Variants in RBL1 observed in about 807,000 individuals in gnomAD.
RBL1 encodes RB transcriptional corepressor like 1.
A neutral mutation model predicts 123.0 loss-of-function variants in RBL1; 82 were observed. The observed-to-expected ratio is 0.67, with a 90% CI of 0.56 to 0.80. The LOEUF (loss-of-function observed/expected upper bound fraction) is 0.80, where lower values mean the gene tolerates loss of function less well. RBL1 is among the 30% of genes least tolerant of loss of function. The probability of loss-of-function intolerance (pLI) is 0.00; values close to 1 mark genes in which losing one functional copy is unlikely to be tolerated. For missense variants in RBL1, 1,171 were observed against 1,299.6 expected (o/e 0.90, Z 1.52); for synonymous variants, 405 against 441.3 (o/e 0.92, Z 1.03).
intron 6 of RBL1, among the ~76,000 whole-genome samples, chr20:37,065,976 T>C (rs2065171336): frequency 6.6e-6 from 1 of 152,170 alleles, no homozygotes; most frequent in Admixed American, 6.5e-5. Flanking sequence ...CAATGGGCCA[T>C]AATATAGATA....
intron 9 of RBL1, among the ~76,000 whole-genome samples, chr20:37,057,181 T>C (rs2146287932): frequency 6.6e-6 from 1 of 152,310 alleles, no homozygotes; most frequent in Admixed American, 6.5e-5. Flanking sequence ...AATATCCCTT[T>C]GAGATGCTGT....
chr20:37,042,946 C>CA (rs2146264532), intron 13 of RBL1, among the ~76,000 whole-genome samples: 1 of 142,864 alleles, frequency 7.0e-6, no homozygotes, highest in South Asian at 2.3e-4. Flanking sequence ...GGAAACAACT[C>CA]AAATATTTAT....
chr20:37,071,402 T>A (rs1013830211), intron 2 of RBL1, among the ~76,000 whole-genome samples: 1 of 152,110 alleles, frequency 6.6e-6, no homozygotes, highest in Non-Finnish European at 1.5e-5. Context: ...ATGCCTGTAA[T>A]CCCAACACTT....
intron 21 of RBL1, among the ~76,000 whole-genome samples, chr20:37,002,793 C>A (rs6103174): frequency 1.3e-5 from 2 of 151,940 alleles, no homozygotes; most frequent in Non-Finnish European, 2.9e-5. Context: ...TCTCGGCTCA[C>A]TGCAACCTCC....
At chr20:37,035,138 A>C in intron 15 of RBL1, 104 bp downstream of exon 15, 1 of 1,193,412 alleles carries the variant, frequency 8.4e-7, no homozygotes, top group Non-Finnish European at 1.2e-6. Context: ...GTATAGGTTC[A>C]AGAAAAAATA....
chr20:37,026,061 G>A lies in RBL1; in HGVS notation c.2383-3235C>T, dbSNP rs112850006. Among the ~76,000 whole-genome samples, 617 of 152,144 alleles carry A rather than the reference G, an allele frequency of 4.1e-3. 8 individuals carry two copies. Among genetic ancestry groups the A allele is most frequent in the African/African-American group, 0.014 (593 of 41,522 alleles). On this transcript the variant is annotated intron_variant, in intron 16 of 21. Coordinates refer to ENST00000373664, the MANE Select transcript of RBL1 (RefSeq NM_002895.5). ...CTGGCCAGGACCTGGGTTCTTAATG[G>A]TCGTGGTAACCACAGCAGTCCCATA...
intron 2 of RBL1, among the ~76,000 whole-genome samples, chr20:37,080,059 T>C (rs1286179316): frequency 6.8e-6 from 1 of 147,380 alleles, no homozygotes; most frequent in Admixed American, 6.9e-5. Context: ...TTTGATAGAA[T>C]GTACTTTTTT....
chr20:37,055,838 C>G (rs1006932305), intron 10 of RBL1, among the ~76,000 whole-genome samples, 182 bp from the exon 11 acceptor site: 1 of 152,046 alleles, frequency 6.6e-6, no homozygotes, highest in Non-Finnish European at 1.5e-5. Context: ...CACCTGAGGT[C>G]CGGAGTCTGA....
At chr20:37,049,591 C>A (rs562511807) in intron 11 of RBL1, 43 of 755,530 alleles carry the variant, frequency 5.7e-5, no homozygotes, top group Non-Finnish European at 1.0e-4. Context: ...TAGTTGCTTT[C>A]GTCGAGAGTG....
chr20:37,015,386 T>C lies in RBL1; in HGVS notation c.2722+2893A>G, dbSNP rs563950622. On this transcript the variant is annotated intron_variant, in intron 19 of 21. Transcript: ENST00000373664. ...GTAGGAACAGAAAAACCACCCTGGA[T>C]AGGTAAGCAACATGTATAACAAATA... is the stretch of plus-strand genomic sequence containing the variant. 1.1e-4 allele frequency among the ~76,000 whole-genome samples: 17 copies of C among 151,934 alleles called. 1 individual carries two copies. The South Asian group carries it at 3.3e-3, about 30-fold the overall frequency.
intron 16 of RBL1, among the ~76,000 whole-genome samples, chr20:37,030,978 G>A (rs535735190): frequency 3.3e-5 from 5 of 151,082 alleles, no homozygotes; most frequent in South Asian, 4.2e-4. Context: ...CCTGGGAGGC[G>A]GAGGCTGCAG....
At chr20:37,094,677 C>A (rs759674052) in intron 1 of RBL1, among the ~76,000 whole-genome samples, 1 of 152,192 alleles carries the variant, frequency 6.6e-6, no homozygotes, top group Non-Finnish European at 1.5e-5. Flanking sequence ...CTTGCTGTCA[C>A]CCAGGCTGGA....
chr20:37,052,765 C>T (rs2064939514), intron 11 of RBL1, among the ~76,000 whole-genome samples: 1 of 152,192 alleles, frequency 6.6e-6, no homozygotes, highest in African/African-American at 2.4e-5. Flanking sequence ...TTGCCTCAGT[C>T]TCCTAAAGTG....
intron 9 of RBL1, among the ~76,000 whole-genome samples, 200 bp from the exon 10 acceptor site, chr20:37,056,458 G>A (rs986614933): frequency 2.7e-5 from 4 of 149,740 alleles, no homozygotes; most frequent in East Asian, 4.0e-4. Flanking sequence ...GGGTTCAAGC[G>A]ATTCTCCTGT....
At chr20:37,071,583 G>A (rs943969020) in intron 2 of RBL1, among the ~76,000 whole-genome samples, 1 of 152,200 alleles carries the variant, frequency 6.6e-6, no homozygotes, top group Non-Finnish European at 1.5e-5. Context: ...TTGAGCCTGA[G>A]GGGTTGAAGC....
rs761617635 is a variant in RBL1 at position 37,065,409 on chromosome 20, G to A, written c.896+15C>T. On this transcript the variant is annotated intron_variant, in intron 7 of 21. Transcript: ENST00000373664. ...GCTTGTGATAAGCCAGGCACCATTA[G>A]TACTAGATATTTACCTATTATCAGT... The A allele has an allele frequency of 2.6e-5, 40 of 1,550,666 alleles. No individual in the cohort carries two copies. The highest frequency in any genetic ancestry group is 3.4e-5 in the Non-Finnish European group (39 of 1,132,544).
At chr20:37,087,272 T>C (rs1407494056) in intron 2 of RBL1, among the ~76,000 whole-genome samples, 2 of 150,154 alleles carry the variant, frequency 1.3e-5, no homozygotes, top group African/African-American at 4.9e-5. Context: ...GAGGCGGAGG[T>C]TGCAACGAGT....
chr20:37,073,205 T>C (rs1031000438), intron 2 of RBL1, among the ~76,000 whole-genome samples: 2 of 152,156 alleles, frequency 1.3e-5, no homozygotes, highest in Non-Finnish European at 2.9e-5. Flanking sequence ...GAGCCTTGAC[T>C]ACATCATCAT....
chr20:37,032,520 T>G (rs2064529443), intron 16 of RBL1, 145 bp downstream of exon 16: 1 of 1,301,908 alleles, frequency 7.7e-7, no homozygotes, highest in Non-Finnish European at 1.0e-6. Context: ...TTTAATACCA[T>G]TGAACTGTAC....
Sources: gnomAD v4.1 joint callset for allele counts (sites outside exome capture counted in the v4.1 genomes callset) on GRCh38, gnomAD v4.1.1 for gene constraint, MANE v1.5 for transcripts, NCBI Gene and HGNC (gene_info 2026-07-23, HGNC 2026-07-21) for gene names.